The following BTAF1 variants were observed in gnomAD, a reference collection of about 807,000 sequenced individuals.
BTAF1 encodes TATA-binding protein-associated factor 172.
BTAF1 carries 38 observed loss-of-function variants against 227.1 expected under a neutral mutation model. The observed-to-expected ratio is 0.17, with a 90% CI of 0.13 to 0.22. BTAF1 has a LOEUF of 0.22. Ranked by LOEUF, BTAF1 falls within the 10% of genes least tolerant of loss-of-function variation. The pLI, the probability that BTAF1 is intolerant of heterozygous loss-of-function variation, is 1.00. For missense variants in BTAF1, 1,598 were observed against 2,204.0 expected, an observed-to-expected ratio of 0.73 and a Z score of 5.51; for synonymous variants, 742 against 751.9, an observed-to-expected ratio of 0.99 and a Z score of 0.21.
intron 1 of BTAF1, among the ~76,000 whole-genome samples, chr10:91,931,497 G>GT (rs1844273086): frequency 6.6e-6 from 1 of 152,328 alleles, no homozygotes; most frequent in African/African-American, 2.4e-5. Context: ...TGCAACAGAA[G>GT]TTTTAGCCAA....
At chr10:91,962,351 A>G (rs182287572) in intron 11 of BTAF1, among the ~76,000 whole-genome samples, 187 bp from the exon 12 acceptor site, 196 of 152,326 alleles carry the variant, frequency 1.3e-3, no homozygotes, top group Admixed American at 2.2e-3. Context: ...TTGTGTAAGT[A>G]CACTCTATAA....
intron 34 of BTAF1, among the ~76,000 whole-genome samples, chr10:92,020,561 G>T (rs1271739561): frequency 6.6e-6 from 1 of 152,138 alleles, no homozygotes; most frequent in Non-Finnish European, 1.5e-5. Context: ...TGTGGAAAAT[G>T]TTATCTAATA....
chr10:91,986,443 G>A (rs1848396564), intron 19 of BTAF1, among the ~76,000 whole-genome samples: 1 of 152,020 alleles, frequency 6.6e-6, no homozygotes, highest in African/African-American at 2.4e-5. Context: ...ATTTGTGTTG[G>A]TCCCCATGAA....
In BTAF1 at chr10:92,008,366, CAG is replaced by C. The variant is rs1212953774; in HGVS notation, c.3813+94_3813+95del. ...GGGGGCTTTTGTTTCTTTTTTGAGA[CAG>C]AGTCTTGCTCTGTTGCCCAGGCTGG... On this transcript the variant is annotated intron_variant, in intron 26 of 37. Transcript: ENST00000265990. 7.0e-5 allele frequency: 88 copies of C among 1,258,532 alleles called. No homozygotes were observed. In the East Asian group the frequency reaches 2.2e-3, roughly 31 times the overall value. 78.0% of individuals were successfully genotyped at this position (1,258,532 alleles called of 1,614,324 possible).
intron 1 of BTAF1, among the ~76,000 whole-genome samples, chr10:91,926,282 C>T (rs1475347430): frequency 6.6e-6 from 1 of 152,134 alleles, no homozygotes; most frequent in Non-Finnish European, 1.5e-5. Flanking sequence ...ATATTTTTTG[C>T]ACTGTTTATT....
chr10:91,949,938 C>A (rs1845632961), intron 4 of BTAF1, among the ~76,000 whole-genome samples: 3 of 151,912 alleles, frequency 2.0e-5, no homozygotes, highest in Non-Finnish European at 4.4e-5. Context: ...GAGTTCAAAA[C>A]CAGCCTGGGC....
At chr10:91,955,802 T>TAATTA (rs1176769081) in intron 6 of BTAF1, among the ~76,000 whole-genome samples, 4 of 152,206 alleles carry the variant, frequency 2.6e-5, no homozygotes, top group African/African-American at 9.6e-5. Flanking sequence ...GGAAGAGTAA[T>TAATTA]AGGAAATGAG....
chr10:91,971,505 TC>T (rs1847303182), intron 14 of BTAF1, among the ~76,000 whole-genome samples: 1 of 147,278 alleles, frequency 6.8e-6, no homozygotes, highest in East Asian at 2.0e-4. Context: ...GGAGTTTTGC[TC>T]TTGTTGCCCA....
intron 25 of BTAF1, among the ~76,000 whole-genome samples, chr10:92,002,318 A>C (rs1442202364): frequency 1.3e-5 from 2 of 152,296 alleles, no homozygotes; most frequent in South Asian, 4.1e-4. Flanking sequence ...GTTGTCAAAG[A>C]ATCTTGGAAT....
At chr10:92,023,865 C>T (rs1425387772) in intron 34 of BTAF1, among the ~76,000 whole-genome samples, 1 of 152,142 alleles carries the variant, frequency 6.6e-6, no homozygotes, top group East Asian at 1.9e-4. Context: ...AACTCTTGAC[C>T]TCAAGTGATC....
chr10:92,013,617 T>TC, intron 30 of BTAF1, 50 bp from the exon 31 acceptor site: 1 of 1,609,988 alleles, frequency 6.2e-7, no homozygotes, highest in Non-Finnish European at 8.5e-7. Context: ...CTTTTTTAGT[T>TC]GTAAGGAAAT....
intron 11 of BTAF1, 111 bp downstream of exon 11, chr10:91,960,265 G>A: frequency 8.4e-7 from 1 of 1,188,748 alleles, no homozygotes; most frequent in East Asian, 2.6e-5. Flanking sequence ...AGAGAAGCCA[G>A]TCTTCCAAGA....
At chr10:92,015,032 G>T (rs11186799) in intron 32 of BTAF1, among the ~76,000 whole-genome samples, 57 of 152,324 alleles carry the variant, frequency 3.7e-4, no homozygotes, top group East Asian at 1.9e-3. Flanking sequence ...TCCTTGTGCA[G>T]TGCATGACTA....
intron 19 of BTAF1, among the ~76,000 whole-genome samples, chr10:91,987,952 C>G (rs1848514891): frequency 6.6e-6 from 1 of 152,124 alleles, no homozygotes; most frequent in Non-Finnish European, 1.5e-5. Context: ...GTGTTGTGCT[C>G]AAGCTATGAT....
At chr10:91,973,111 G>A (rs1212250723) in intron 14 of BTAF1, among the ~76,000 whole-genome samples, 3 of 152,136 alleles carry the variant, frequency 2.0e-5, no homozygotes, top group Non-Finnish European at 2.9e-5. Flanking sequence ...GTGTTGTTAA[G>A]TATTCCTAAT....
chr10:91,950,152 G>GGT (rs1589786299), intron 4 of BTAF1, among the ~76,000 whole-genome samples: 1 of 86,032 alleles, frequency 1.2e-5, no homozygotes, highest in Non-Finnish European at 2.5e-5. Flanking sequence ...CCTTTGTGGG[G>GGT]GGGGGCGGGA....
intron 33 of BTAF1, among the ~76,000 whole-genome samples, chr10:92,017,841 C>T (rs1303010700): frequency 6.6e-6 from 1 of 152,150 alleles, no homozygotes; most frequent in Non-Finnish European, 1.5e-5. Context: ...TAGTGCTCAG[C>T]ACTGTCTTGA....
chr10:92,004,765 CT>C (rs1334500999), intron 25 of BTAF1, among the ~76,000 whole-genome samples: 1 of 152,198 alleles, frequency 6.6e-6, no homozygotes, highest in Non-Finnish European at 1.5e-5. Context: ...ACCACCATGA[CT>C]GGCCTGTATT....
rs886918914 is a variant in BTAF1, at chr10:91,953,232, C to G, written c.565-505C>G. Among the ~76,000 whole-genome samples the G allele has an allele frequency of 2.0e-5, 3 of 152,044 alleles. No individual in the cohort carries two copies. The East Asian group carries it at 5.8e-4, about 29-fold the overall frequency. ...TAACGCACAGACTTTATAGTGTCTT[C>G]TGTGAATGGAAAAGAGCAAAAAGAG... On this transcript the variant is annotated intron_variant, in intron 5 of 37. Transcript: ENST00000265990.
Sources: gnomAD v4.1 joint callset for allele counts (sites outside exome capture counted in the v4.1 genomes callset) on GRCh38, gnomAD v4.1.1 for gene constraint, MANE v1.5 for transcripts, NCBI Gene and HGNC (gene_info 2026-07-23, HGNC 2026-07-21) for gene names.